ODF2L: variants seen among roughly 807,000 people sequenced by gnomAD.
ODF2L encodes the protein protein BCAP.
Under a neutral mutation model 86.3 loss-of-function variants are expected in ODF2L, and 76 were observed. That is an observed-to-expected ratio of 0.88 (90% CI 0.73 to 1.07). The LOEUF is 1.07. Ranked by LOEUF, ODF2L falls within the 50% of genes least tolerant of loss-of-function variation. The pLI is 0.00. For missense variants in ODF2L, 748 were observed against 717.4 expected (o/e 1.04, Z -0.49); for synonymous variants, 241 against 231.3 (o/e 1.04, Z -0.38).
At chr1:86,358,823 G>T in exon 13 of ODF2L, 3 of 1,527,828 alleles carry the variant, frequency 2.0e-6, no homozygotes, top group Admixed American at 1.9e-5. Flanking sequence ...TTGTTATTTG[G>T]TTATTTTTAT....
chr1:86,352,265 C>G (rs118019968), intron 17 of ODF2L: 15 of 1,412,070 alleles, frequency 1.1e-5, no homozygotes, highest in Middle Eastern at 1.9e-4. Context: ...ACAGTTATTA[C>G]GTAATTTAAT....
At chr1:86,390,161 G>A (rs1211825653) in intron 1 of ODF2L, among the ~76,000 whole-genome samples, 4 of 152,174 alleles carry the variant, frequency 2.6e-5, no homozygotes, top group Non-Finnish European at 5.9e-5. Flanking sequence ...GGTGGCTCAC[G>A]CCTGTAATCC....
At chr1:86,376,169 T>C (rs1660156294) in intron 8 of ODF2L, 64 bp downstream of exon 8, 1 of 823,218 alleles carries the variant, frequency 1.2e-6, no homozygotes, top group Admixed American at 2.6e-5. Context: ...AGCATCATGA[T>C]ATTAATTATA....
At chr1:86,390,950 A>C (rs934248848) in intron 1 of ODF2L, among the ~76,000 whole-genome samples, 2 of 152,182 alleles carry the variant, frequency 1.3e-5, no homozygotes, top group African/African-American at 4.8e-5. Flanking sequence ...ACTCCTCCAA[A>C]AAGCTCCTAG....
chr1:86,390,052 C>G (rs919317909), intron 1 of ODF2L, among the ~76,000 whole-genome samples: 8 of 152,086 alleles, frequency 5.3e-5, no homozygotes, highest in African/African-American at 1.9e-4. Flanking sequence ...CCAGTATCAC[C>G]CTAATGCCAA....
Position 86,394,399 on chromosome 1 carries a change from G to C in ODF2L, c.-60+1634C>G, listed in dbSNP as rs559429331. Among the ~76,000 whole-genome samples the C allele has an allele frequency of 3.5e-4, 47 of 133,030 alleles. 1 individual carries two copies. In the South Asian group the frequency reaches 0.011, roughly 30 times the overall value. The allele number at this position is 133,030 out of a possible 152,430, so 87.3% of individuals were successfully genotyped here. A position where few individuals can be genotyped will look rare whatever the true frequency, so the allele number is the denominator to read the frequency against. On this transcript the variant is annotated intron_variant, in intron 1 of 17. Transcript: ENST00000317336. ...CCACTGCACTCCACTGCGGCAGAGCGAGACTCCATCTCAAAAAAAAAAAAA... is the reference window on the plus strand; with the variant it reads ...CCACTGCACTCCACTGCGGCAGAGCCAGACTCCATCTCAAAAAAAAAAAAA...
chr1:86,368,507 A>T (rs1659593220), intron 11 of ODF2L: 4 of 780,248 alleles, frequency 5.1e-6, no homozygotes, highest in Non-Finnish European at 7.1e-6. Context: ...CTCCTCAAAG[A>T]GTTACAAATT....
exon 8 of ODF2L, chr1:86,376,310 C>G: frequency 6.2e-7 from 1 of 1,612,128 alleles, no homozygotes; most frequent in Admixed American, 1.7e-5. Flanking sequence ...ACTTTAGATG[C>G]CTTTTTTAAA....
intron 2 of ODF2L, chr1:86,386,578 G>C: frequency 4.7e-6 from 1 of 211,396 alleles, no homozygotes; most frequent in Non-Finnish European, 9.3e-6. Context: ...AGTAGAGATG[G>C]GGTTTCACCA....
downstream of ODF2L, chr1:86,349,525 G>A (rs1456370658): frequency 6.6e-6 from 1 of 152,098 alleles, no homozygotes; most frequent in Non-Finnish European, 1.5e-5. Context: ...CATATCAGGT[G>A]TTCAATGACA....
intron 7 of ODF2L, among the ~76,000 whole-genome samples, chr1:86,381,572 T>C (rs907831890): frequency 3.9e-5 from 6 of 152,116 alleles, no homozygotes; most frequent in East Asian, 3.9e-4. Flanking sequence ...TTTGAGTCTC[T>C]GTAACCTCTC....
chr1:86,392,103 A>G (rs1250117340), intron 1 of ODF2L, among the ~76,000 whole-genome samples: 1 of 152,186 alleles, frequency 6.6e-6, no homozygotes, highest in Non-Finnish European at 1.5e-5. Context: ...AACATCACTA[A>G]TGATCAGAGA....
In ODF2L at chr1:86,376,355, C is replaced by T. The variant is rs1660173773; in HGVS notation, c.688G>A (p.Val230Met). The change falls in exon 8 of 18, where the codon GTG becomes ATG. Residue 230 changes from valine to methionine, a missense_variant. Physicochemically the swap from Val to Met is conservative, Grantham distance 21. Transcript: ENST00000317336. Reference sequence around the variant, plus strand: ...TTTTGCCTACTTGCTTCTTTCATCACTATAGCCTCATTCTTATTCATTCTT... The same window carrying T: ...TTTTGCCTACTTGCTTCTTTCATCATTATAGCCTCATTCTTATTCATTCTT... 6.2e-7 allele frequency: 1 copy of T among 1,612,746 alleles called. No individual in the cohort carries two copies. The highest frequency in any genetic ancestry group is 8.5e-7 in the Non-Finnish European group (1 of 1,179,230).
At chr1:86,376,051 T>A (rs1660146479) in intron 8 of ODF2L, among the ~76,000 whole-genome samples, 182 bp downstream of exon 8, 1 of 152,162 alleles carries the variant, frequency 6.6e-6, no homozygotes, top group Admixed American at 6.5e-5. Context: ...TATTTCAATA[T>A]GAAAATTTGA....
chr1:86,366,022 C>A lies in ODF2L; in HGVS notation c.1143+2614G>T, dbSNP rs551066287. Among the ~76,000 whole-genome samples the A allele has an allele frequency of 3.6e-4, 55 of 152,256 alleles. 1 individual carries two copies. The highest frequency in any genetic ancestry group is 1.2e-3 in the African/African-American group (51 of 41,546). On this transcript the variant is annotated intron_variant, in intron 11 of 17. Transcript: ENST00000317336. ...GAGGGACGGTGCTGGCGACCCAGAG[C>A]AAAGACGCATGTATTTTGGCATTTT...
At chr1:86,380,901 A>T (rs1383503709) in intron 7 of ODF2L, among the ~76,000 whole-genome samples, 1 of 151,944 alleles carries the variant, frequency 6.6e-6, no homozygotes, top group Non-Finnish European at 1.5e-5. Context: ...AAATTACTCA[A>T]CACTAAAAAG....
At position 86,389,076 on chromosome 1, in the gene ODF2L, G is replaced by A. The variant is rs146259223; in HGVS notation, c.-59-1990C>T. Among the ~76,000 whole-genome samples the A allele has an allele frequency of 4.6e-5, 7 of 152,170 alleles. No individual in the cohort carries two copies. The East Asian group carries it at 1.4e-3, about 29-fold the overall frequency. Reference sequence around the variant, plus strand: ...GTGATAATTGTGTAACAAAAAATAAGTGTTGAACAAAAATGTAATAATTTT... The same window carrying A: ...GTGATAATTGTGTAACAAAAAATAAATGTTGAACAAAAATGTAATAATTTT... On this transcript the variant is annotated intron_variant, in intron 1 of 17. Transcript: ENST00000317336.
chr1:86,386,684 G>A (rs1009108937), intron 2 of ODF2L: 10 of 397,528 alleles, frequency 2.5e-5, no homozygotes, highest in Admixed American at 8.9e-5. Flanking sequence ...CATTGCGCCC[G>A]GCCAGGTTTT....
chr1:86,365,842 A>G (rs1342231801), intron 11 of ODF2L, among the ~76,000 whole-genome samples: 1 of 152,184 alleles, frequency 6.6e-6, no homozygotes. Context: ...GGATTAATTC[A>G]AAGTCTGTGA....
Sources: allele counts gnomAD v4.1 joint callset (sites outside exome capture counted in the v4.1 genomes callset), GRCh38; gene constraint gnomAD v4.1.1; transcripts MANE v1.5; gene names NCBI Gene and HGNC (gene_info 2026-07-23, HGNC 2026-07-21).